The following GLIS3 variants were observed in gnomAD, a reference collection of about 807,000 sequenced individuals.
GLIS3 encodes the protein GLIS family zinc finger 3.
GLIS3 carries 53 observed loss-of-function variants against 78.6 expected under a neutral mutation model. The observed-to-expected ratio is 0.67, with a 90% CI of 0.54 to 0.85. The LOEUF (loss-of-function observed/expected upper bound fraction) is 0.85. Among genes scored for constraint, GLIS3 ranks in the 40% least tolerant of loss-of-function variants. The pLI, the probability that GLIS3 is intolerant of heterozygous loss-of-function variation, is 0.00. For missense variants in GLIS3, 1,703 were observed against 1,231.1 expected (o/e 1.38, Z -5.74); for synonymous variants, 684 against 509.9 (o/e 1.34, Z -4.60).
chr9:3,850,339 A>G (rs933429402), intron 9 of GLIS3, among the ~76,000 whole-genome samples: 1 of 152,224 alleles, frequency 6.6e-6, no homozygotes, highest in African/African-American at 2.4e-5. Flanking sequence ...GCTCATTTCA[A>G]ATGTTATTAA....
chr9:4,125,720 AG>A lies in GLIS3; in HGVS notation c.596+13del, dbSNP rs1325769190. 4.4e-6 allele frequency: 7 copies of A among 1,608,360 alleles called. No individual in the cohort carries two copies. The South Asian group carries it at 7.7e-5, about 18-fold the overall frequency. On this transcript the variant is annotated intron_variant, in intron 3 of 10. Transcript: ENST00000381971. Reference sequence around the variant, plus strand: ...ATACCATAAAGAAAGGGGAAAAAAAAGTTAACTTGAGACCTGGTATCTGAAG... The same window carrying A: ...ATACCATAAAGAAAGGGGAAAAAAAATTAACTTGAGACCTGGTATCTGAAG...
chr9:4,025,543 A>T (rs1823260411), intron 4 of GLIS3, among the ~76,000 whole-genome samples: 1 of 151,936 alleles, frequency 6.6e-6, no homozygotes, highest in Admixed American at 6.6e-5. Flanking sequence ...ACCCACCACC[A>T]TGCCTGGCTA....
the GLIS3 span, among the ~76,000 whole-genome samples, chr9:4,392,780 A>G: frequency 6.6e-6 from 1 of 152,216 alleles, no homozygotes; most frequent in Admixed American, 6.5e-5. Flanking sequence ...GAGTAGCCCT[A>G]TTCTCTGAGT....
intron 4 of GLIS3, among the ~76,000 whole-genome samples, chr9:4,025,185 G>A (rs1823226585): frequency 6.6e-6 from 1 of 151,984 alleles, no homozygotes; most frequent in Admixed American, 6.6e-5. Context: ...CCAGGAGGCA[G>A]ACGTTGCAGT....
chr9:4,139,827 T>C (rs1158330848), intron 2 of GLIS3, among the ~76,000 whole-genome samples: 1 of 152,182 alleles, frequency 6.6e-6, no homozygotes, highest in Non-Finnish European at 1.5e-5. Context: ...CCACTGCTGA[T>C]CTGACACGAG....
At chr9:3,966,428 T>G (rs1817935597) in intron 4 of GLIS3, among the ~76,000 whole-genome samples, 1 of 147,696 alleles carries the variant, frequency 6.8e-6, no homozygotes, top group Admixed American at 6.7e-5. Context: ...ACTTCAATGA[T>G]GCAAAGCCTT....
chr9:4,336,525 G>A lies in GLIS3; in HGVS notation n.264+10556C>T, dbSNP rs147778505. ...GGTGTTGATATCACCCTTTCTCTTG[G>A]CATCCTCACATGAGCCCTGAAACTG... On this transcript the variant is annotated intron_variant and non_coding_transcript_variant, in intron 2 of 4. Transcript: ENST00000471664. Among the ~76,000 whole-genome samples, 348 of 152,242 alleles carry A rather than the reference G, an allele frequency of 2.3e-3. 2 individuals carry two copies. Among genetic ancestry groups the A allele is most frequent in the Non-Finnish European group, 3.6e-3 (243 of 68,006 alleles).
intron 4 of GLIS3, among the ~76,000 whole-genome samples, chr9:4,100,150 G>A (rs1382853908): frequency 3.3e-5 from 5 of 152,272 alleles, no homozygotes; most frequent in Middle Eastern, 3.4e-3. Flanking sequence ...GTTATATATC[G>A]GTAAAAGAGT....
At chr9:4,171,651 A>G (rs188181215) in intron 2 of GLIS3, among the ~76,000 whole-genome samples, 1 of 152,346 alleles carries the variant, frequency 6.6e-6, no homozygotes, top group East Asian at 1.9e-4. Context: ...AAGTCATCAC[A>G]TGATATAAAA....
the GLIS3 span, among the ~76,000 whole-genome samples, chr9:4,364,756 C>CTTTTTTTTTTTTTTTT: frequency 6.5e-5 from 4 of 61,080 alleles, no homozygotes; most frequent in East Asian, 6.0e-4. Context: ...TCATGTATTG[C>CTTTTTTTTTTTTTTTT]TTTTTTTTTT....
chr9:4,259,439 GGGAAGAAAATACAA>G (rs1209026360), intron 2 of GLIS3, among the ~76,000 whole-genome samples: 2 of 152,020 alleles, frequency 1.3e-5, no homozygotes, highest in African/African-American at 4.8e-5. Context: ...TCATTTCATA[GGGAAGAAAATACAA>G]GGAAGTTAGG....
chr9:4,302,353 G>A (rs1356611522), upstream of GLIS3, among the ~76,000 whole-genome samples: 1 of 152,184 alleles, frequency 6.6e-6, no homozygotes, highest in Non-Finnish European at 1.5e-5. Context: ...CAGGGCAGCT[G>A]ACTCAGCAGA....
chr9:4,400,289 C>A, the GLIS3 span, among the ~76,000 whole-genome samples: 3 of 152,110 alleles, frequency 2.0e-5, no homozygotes, highest in Admixed American at 2.0e-4. Context: ...TGAAATAATA[C>A]GGACAAGAAA....
the GLIS3 span, among the ~76,000 whole-genome samples, chr9:4,356,973 G>A: frequency 4.6e-5 from 7 of 152,152 alleles, no homozygotes; most frequent in South Asian, 6.2e-4. Context: ...TGACTGGTAC[G>A]AAATCTTACT....
At position 3,937,245 on chromosome 9, in the gene GLIS3, G is replaced by T. The variant is rs1825949978; in HGVS notation, c.1711-56C>A. On this transcript the variant is annotated intron_variant, in intron 4 of 10. Coordinates refer to ENST00000381971, the MANE Select transcript of GLIS3 (RefSeq NM_001042413.2). ...AGAAGGACCTTGAATGTTTGAGTCT[G>T]GGGGACAGCTAAAAAAAAAATGTTC... is the stretch of plus-strand genomic sequence containing the variant. 3 of 1,586,050 alleles carry T rather than the reference G, an allele frequency of 1.9e-6. No homozygotes were observed. In the Admixed American group the frequency reaches 5.0e-5, roughly 27 times the overall value.
rs766462352 is a variant in GLIS3, at chr9:4,286,017, G to GT, written c.388+20dup. On this transcript the variant is annotated intron_variant, in intron 2 of 10. Coordinates refer to ENST00000381971, the MANE Select transcript of GLIS3 (RefSeq NM_001042413.2). ...AAAAAATCGTTTCCATTTTTAAAAG[G>GT]TTCCAGAAAGACAATCCTACCTTTC... The GT allele has an allele frequency of 1.9e-6, 3 of 1,613,858 alleles. No individual in the cohort carries two copies. The African/African-American group carries it at 4.0e-5, about 22-fold the overall frequency.
chr9:4,331,637 C>G (rs1016003355), intron 2 of GLIS3, among the ~76,000 whole-genome samples: 19 of 152,128 alleles, frequency 1.2e-4, no homozygotes, highest in Non-Finnish European at 1.2e-4. Flanking sequence ...GTAAATTCAC[C>G]CAATTACACA....
intron 8 of GLIS3, among the ~76,000 whole-genome samples, chr9:3,868,366 G>C (rs1169785945): frequency 2.1e-5 from 3 of 145,378 alleles, no homozygotes; most frequent in African/African-American, 7.3e-5. Flanking sequence ...CAAAATGGAA[G>C]TAATTTTTTT....
At chr9:4,222,773 C>G (rs182236605) in intron 2 of GLIS3, among the ~76,000 whole-genome samples, 30 of 152,300 alleles carry the variant, frequency 2.0e-4, no homozygotes, top group Middle Eastern at 3.4e-3. Flanking sequence ...CATTTTGTGT[C>G]TTAACAAATT....
Sources: allele counts gnomAD v4.1 joint callset (sites outside exome capture counted in the v4.1 genomes callset), GRCh38; gene constraint gnomAD v4.1.1; transcripts MANE v1.5; gene names NCBI Gene and HGNC (gene_info 2026-07-23, HGNC 2026-07-21).